Variants in CDH18 observed in about 807,000 individuals in gnomAD.
CDH18 encodes the protein cadherin-18.
In CDH18, 31 loss-of-function variants were observed where a neutral mutation model predicts 67.9. The ratio of observed to expected loss-of-function variants is 0.46; its 90% confidence interval spans 0.34 to 0.62. The LOEUF (loss-of-function observed/expected upper bound fraction) is 0.62. Ranked by LOEUF, CDH18 falls within the 20% of genes least tolerant of loss-of-function variation. The probability of loss-of-function intolerance (pLI) is 0.01; values close to 1 mark genes in which losing one functional copy is unlikely to be tolerated. For missense variants in CDH18, 890 were observed against 975.5 expected (o/e 0.91, Z 1.17); for synonymous variants, 362 against 347.2 (o/e 1.04, Z -0.48).
At chr5:20,446,549 TAA>T (rs985376495) in intron 1 of CDH18, among the ~76,000 whole-genome samples, 2 of 152,096 alleles carry the variant, frequency 1.3e-5, no homozygotes, top group Non-Finnish European at 2.9e-5. Flanking sequence ...CCCAAAGAAA[TAA>T]GAGAATCCTG....
chr5:20,432,661 C>T (rs1367265357), intron 1 of CDH18, among the ~76,000 whole-genome samples: 1 of 151,952 alleles, frequency 6.6e-6, no homozygotes, highest in Non-Finnish European at 1.5e-5. Flanking sequence ...CATGGTCTTT[C>T]CTCTTTCTGT....
chr5:19,818,909 G>A (rs868314220), intron 3 of CDH18, among the ~76,000 whole-genome samples: 3 of 152,010 alleles, frequency 2.0e-5, no homozygotes, highest in Non-Finnish European at 4.4e-5. Flanking sequence ...TTTTCTTATC[G>A]TAATCCTTCA....
intron 9 of CDH18, among the ~76,000 whole-genome samples, chr5:19,529,561 A>T (rs1748271221): frequency 6.6e-6 from 1 of 152,090 alleles, no homozygotes; most frequent in African/African-American, 2.4e-5. Context: ...ATCTATGAAG[A>T]TTTATTATGA....
intron 1 of CDH18, among the ~76,000 whole-genome samples, chr5:20,290,187 T>A (rs986006989): frequency 1.1e-4 from 17 of 152,136 alleles, no homozygotes; most frequent in African/African-American, 4.1e-4. Flanking sequence ...CTGAGCCCCA[T>A]CTGACCTACT....
intron 3 of CDH18, among the ~76,000 whole-genome samples, chr5:19,810,330 C>CA (rs951548300): frequency 1.3e-5 from 2 of 148,274 alleles, no homozygotes; most frequent in Non-Finnish European, 3.0e-5. Context: ...GACTCCGTCT[C>CA]AAAAAAAATA....
At chr5:20,488,165 A>C (rs2126364656) in intron 1 of CDH18, among the ~76,000 whole-genome samples, 1 of 152,304 alleles carries the variant, frequency 6.6e-6, no homozygotes, top group African/African-American at 2.4e-5. Context: ...CTCATGTTAT[A>C]AAATATATAA....
At chr5:20,477,374 G>A (rs1752511264) in intron 1 of CDH18, among the ~76,000 whole-genome samples, 1 of 152,142 alleles carries the variant, frequency 6.6e-6, no homozygotes, top group Non-Finnish European at 1.5e-5. Flanking sequence ...TCATACCAAG[G>A]AAGGGGGAAC....
intron 3 of CDH18, among the ~76,000 whole-genome samples, chr5:19,759,575 C>G (rs1440849565): frequency 6.6e-6 from 1 of 152,132 alleles, no homozygotes; most frequent in Admixed American, 6.5e-5. Context: ...AGCTAAAACT[C>G]CATTAATTAC....
At chr5:20,300,605 C>A (rs1006391881) in intron 1 of CDH18, among the ~76,000 whole-genome samples, 1 of 151,978 alleles carries the variant, frequency 6.6e-6, no homozygotes, top group Non-Finnish European at 1.5e-5. Flanking sequence ...AAGAATAAAT[C>A]GGTCAATCAT....
At chr5:19,975,032 G>A (rs938113335) in intron 2 of CDH18, among the ~76,000 whole-genome samples, 2 of 152,138 alleles carry the variant, frequency 1.3e-5, no homozygotes, top group Non-Finnish European at 2.9e-5. Context: ...AGAAGGAAAT[G>A]TCATATAAAA....
chr5:19,518,697 C>T (rs1189944973), intron 10 of CDH18, among the ~76,000 whole-genome samples: 1 of 152,106 alleles, frequency 6.6e-6, no homozygotes, highest in Non-Finnish European at 1.5e-5. Flanking sequence ...GGATCTCAGT[C>T]CTTTGGCCAC....
chr5:20,444,784 T>C (rs1177741820), intron 1 of CDH18, among the ~76,000 whole-genome samples: 2 of 151,636 alleles, frequency 1.3e-5, no homozygotes, highest in African/African-American at 4.8e-5. Flanking sequence ...TCTTTCTTTT[T>C]TTTTTTTTTC....
chr5:20,268,012 C>T (rs889244364), intron 1 of CDH18, among the ~76,000 whole-genome samples: 6 of 152,120 alleles, frequency 3.9e-5, no homozygotes, highest in Non-Finnish European at 7.4e-5. Flanking sequence ...CAAGTGTACC[C>T]AATGTTTAGT....
intron 5 of CDH18, among the ~76,000 whole-genome samples, chr5:19,690,597 T>C (rs1247570479): frequency 6.6e-6 from 1 of 151,312 alleles, no homozygotes; most frequent in East Asian, 1.9e-4. Context: ...CATAAAAGGA[T>C]ACATTACAAC....
intron 1 of CDH18, among the ~76,000 whole-genome samples, chr5:20,416,744 C>G (rs1037982649): frequency 9.2e-5 from 14 of 152,006 alleles, no homozygotes; most frequent in Admixed American, 2.0e-4. Context: ...ATGAAAAAGT[C>G]TACACTCACT....
At chr5:19,532,674 G>T (rs1468954589) in intron 9 of CDH18, among the ~76,000 whole-genome samples, 1 of 152,198 alleles carries the variant, frequency 6.6e-6, no homozygotes, top group Non-Finnish European at 1.5e-5. Context: ...GGAAGCTAAG[G>T]TTAGGACCCA....
chr5:19,759,096 T>C (rs1772004011), intron 3 of CDH18, among the ~76,000 whole-genome samples: 1 of 152,212 alleles, frequency 6.6e-6, no homozygotes, highest in Non-Finnish European at 1.5e-5. Context: ...GCCAAGTCAA[T>C]GGTTGCATAT....
intron 1 of CDH18, among the ~76,000 whole-genome samples, chr5:20,317,533 A>G (rs954082671): frequency 1.3e-5 from 2 of 152,132 alleles, no homozygotes; most frequent in Non-Finnish European, 2.9e-5. Context: ...TGGGGGCAAA[A>G]TCATCTTTCA....
At chr5:19,495,503 G>A (rs888547216) in intron 11 of CDH18, among the ~76,000 whole-genome samples, 2 of 151,966 alleles carry the variant, frequency 1.3e-5, no homozygotes, top group Non-Finnish European at 2.9e-5. Flanking sequence ...CACTTTGGGA[G>A]GCCGAGATGG....
Sources: allele counts gnomAD v4.1 joint callset (sites outside exome capture counted in the v4.1 genomes callset), GRCh38; gene constraint gnomAD v4.1.1; transcripts MANE v1.5; gene names NCBI Gene and HGNC (gene_info 2026-07-23, HGNC 2026-07-21).